Variants in HSPG2 observed in about 807,000 individuals in gnomAD.
The protein encoded by HSPG2 is heparan sulfate proteoglycan 2, also known as basement membrane-specific heparan sulfate proteoglycan core protein.
A neutral mutation model predicts 526.6 loss-of-function variants in HSPG2; 278 were observed. The ratio of observed to expected loss-of-function variants is 0.53; its 90% confidence interval spans 0.48 to 0.58. HSPG2 has a LOEUF of 0.58. Ranked by LOEUF, HSPG2 falls within the 20% of genes least tolerant of loss-of-function variation. HSPG2 has a pLI of 0.00. For missense variants in HSPG2, 5,354 were observed against 6,099.5 expected, an observed-to-expected ratio of 0.88 and a Z score of 4.07; for synonymous variants, 2,465 against 2,555.4, an observed-to-expected ratio of 0.96 and a Z score of 1.07.
chr1:21,927,397 T>G (rs1644228283), intron 1 of HSPG2, among the ~76,000 whole-genome samples: 1 of 152,000 alleles, frequency 6.6e-6, no homozygotes, highest in African/African-American at 2.4e-5. Context: ...GAGCCAGATT[T>G]AGAGTCGAGC....
At position 21,848,241 on chromosome 1, in the gene HSPG2, G is replaced by A; in HGVS notation, c.7738-148C>T. ...CGTGAAGCTCCCAGCATGGCATGTG[G>A]CCTGTCTCTGGGCTGGGGTGGACGT... is the stretch of plus-strand genomic sequence containing the variant. On this transcript the variant is annotated intron_variant, in intron 59 of 96. Transcript: ENST00000374695. The surrounding 1 kb of genome is among the most constrained non-coding windows in gnomAD (Gnocchi z 4.9). The A allele has an allele frequency of 2.0e-6, 2 of 976,862 alleles. No individual in the cohort carries two copies. Among genetic ancestry groups the A allele is most frequent in the Admixed American group, 4.0e-5 (2 of 49,648 alleles). 60.5% of individuals were successfully genotyped at this position (976,862 alleles called of 1,614,324 possible).
In HSPG2 at chr1:21,876,413, G is replaced by A. The variant is rs746498915; in HGVS notation, c.2827-8C>T. The A allele has an allele frequency of 3.1e-6, 5 of 1,610,342 alleles. No homozygotes were observed. The East Asian group carries it at 6.7e-5, about 22-fold the overall frequency. ...CTCAGAGGCCCCATGCAACTGGGAG[G>A]AGGAGAAAGGGCTGGGATGGGGGCC... is the stretch of plus-strand genomic sequence containing the variant. On this transcript the variant is annotated splice_polypyrimidine_tract_variant and splice_region_variant and intron_variant, in intron 22 of 96. Coordinates refer to ENST00000374695, the MANE Select transcript of HSPG2 (RefSeq NM_005529.7).
At position 21,903,255 on chromosome 1, in the gene HSPG2, C is replaced by A. The variant is rs1271613964; in HGVS notation, c.64-6945G>T. On this transcript the variant is annotated intron_variant, in intron 1 of 96. Coordinates refer to ENST00000374695, the MANE Select transcript of HSPG2 (RefSeq NM_005529.7). Reference sequence around the variant, plus strand: ...GGGCCCTGAAATCCGTTCCAAGACACCCCTGTCCCTGCAGAACAATCCCTC... The same window carrying A: ...GGGCCCTGAAATCCGTTCCAAGACAACCCTGTCCCTGCAGAACAATCCCTC... Among the ~76,000 whole-genome samples the A allele has an allele frequency of 2.6e-5, 4 of 152,138 alleles. No individual in the cohort carries two copies. The South Asian group carries it at 6.2e-4, about 24-fold the overall frequency.
chr1:21,828,469 G>A lies in HSPG2; in HGVS notation c.12238-43C>T. On this transcript the variant is annotated intron_variant, in intron 88 of 96. Coordinates refer to ENST00000374695, the MANE Select transcript of HSPG2 (RefSeq NM_005529.7). The surrounding 1 kb of genome is among the most constrained non-coding windows in gnomAD (Gnocchi z 6.0). ...CCGAGGGACTAAAGGGGCCTGGGAG[G>A]CAGAGACCCAGGTGTACCAGCAGGG... 2 of 1,597,070 alleles carry A rather than the reference G, an allele frequency of 1.3e-6. No homozygotes were observed. The highest frequency in any genetic ancestry group is 1.7e-6 in the Non-Finnish European group (2 of 1,169,442).
At chr1:21,912,960 A>G (rs1643750201) in intron 1 of HSPG2, among the ~76,000 whole-genome samples, 1 of 151,958 alleles carries the variant, frequency 6.6e-6, no homozygotes, top group African/African-American at 2.4e-5. Flanking sequence ...AGCCTGGGCG[A>G]AAGAGTGAGG....
chr1:21,834,984 A>G (rs761608418), intron 76 of HSPG2, 39 bp from the exon 77 acceptor site: 2 of 1,605,738 alleles, frequency 1.2e-6, no homozygotes, highest in South Asian at 2.2e-5. Context: ...GAGATCAGTC[A>G]CTGCAGGCCT....
Position 21,824,836 on chromosome 1 carries a change from G to A in HSPG2, c.12590-57C>T, listed in dbSNP as rs557810601. 82 of 1,492,516 alleles carry A rather than the reference G, an allele frequency of 5.5e-5. 1 individual carries two copies. The highest frequency in any genetic ancestry group is 4.5e-4 in the South Asian group (38 of 83,978). The allele number at this position is 1,492,516 out of a possible 1,614,324, so 92.5% of individuals were successfully genotyped here. Reference sequence around the variant, plus strand: ...GCTGCATCAGGCATCAAAATCCCCCGTCAGTTCCCCTGACCCCCACCTCCA... The same window carrying A: ...GCTGCATCAGGCATCAAAATCCCCCATCAGTTCCCCTGACCCCCACCTCCA... On this transcript the variant is annotated intron_variant, in intron 91 of 96. Coordinates refer to ENST00000374695, the MANE Select transcript of HSPG2 (RefSeq NM_005529.7). This position sits in a 1 kb window ranked among gnomAD's most constrained non-coding sequence, Gnocchi z 5.9.
intron 1 of HSPG2, among the ~76,000 whole-genome samples, chr1:21,922,461 C>T (rs1229592618): frequency 2.6e-5 from 4 of 152,214 alleles, no homozygotes; most frequent in Non-Finnish European, 5.9e-5. Context: ...CTTTCTAAAA[C>T]CAAGTGTCCT....
intron 33 of HSPG2, chr1:21,869,069 C>T (rs548277681): frequency 2.1e-5 from 5 of 240,762 alleles, no homozygotes; most frequent in Non-Finnish European, 3.4e-5. Flanking sequence ...GGAGGGAGGC[C>T]TGGTGGCAGG....
intron 6 of HSPG2, among the ~76,000 whole-genome samples, chr1:21,889,387 G>A (rs1017598024): frequency 7.9e-5 from 12 of 152,306 alleles, no homozygotes; most frequent in Admixed American, 2.0e-4. Context: ...GCACCTAACC[G>A]CTGTGTGGCT....
chr1:21,832,509 T>TC lies in HSPG2; in HGVS notation c.11192dup (p.Arg3732LysfsTer44). The TC allele has an allele frequency of 6.2e-7, 1 of 1,613,716 alleles. No individual in the cohort carries two copies. The highest frequency in any genetic ancestry group is 1.3e-5 in the African/African-American group (1 of 75,004). On this transcript the variant is annotated frameshift_variant, in exon 81 of 97. Transcript: ENST00000374695. LOFTEE classifies it high-confidence loss of function. ...GGGGGTCTCACCGGAACTCGGGCCT[T>TC]CCCCCCACGAGGCCGAAGGAGATGA...
intron 33 of HSPG2, among the ~76,000 whole-genome samples, chr1:21,871,308 G>A (rs1358270138): frequency 7.2e-6 from 1 of 139,122 alleles, no homozygotes; most frequent in Non-Finnish European, 1.5e-5. Context: ...CACCCAGGCT[G>A]GAGTGCAATG....
At chr1:21,843,707 T>C (rs1572197538) in intron 65 of HSPG2, among the ~76,000 whole-genome samples, 2 of 152,162 alleles carry the variant, frequency 1.3e-5, no homozygotes, top group East Asian at 1.9e-4. Context: ...AGTGCAGTGG[T>C]GCAATCTCGG....
intron 91 of HSPG2, among the ~76,000 whole-genome samples, chr1:21,825,465 T>G (rs1403013675): frequency 6.6e-6 from 1 of 152,142 alleles, no homozygotes; most frequent in African/African-American, 2.4e-5. Flanking sequence ...TGGTGTTCTC[T>G]CCATCTTACA....
chr1:21,865,665 C>A lies in HSPG2; in HGVS notation c.4314+52G>T. 1 of 1,442,128 alleles carries A rather than the reference C, an allele frequency of 6.9e-7. No individual in the cohort carries two copies. Among genetic ancestry groups the A allele is most frequent in the Non-Finnish European group, 9.8e-7 (1 of 1,023,886 alleles). The allele number at this position is 1,442,128 out of a possible 1,614,324, so 89.3% of individuals were successfully genotyped here. On this transcript the variant is annotated intron_variant, in intron 34 of 96. Transcript: ENST00000374695. The surrounding 1 kb of genome is among the most constrained non-coding windows in gnomAD (Gnocchi z 5.4). Reference sequence around the variant, plus strand: ...CAAAGGACAAATGCCGAGGGTGCCCCTGGCTTCCATCCTGCCCTTCTGCCC... The same window carrying A: ...CAAAGGACAAATGCCGAGGGTGCCCATGGCTTCCATCCTGCCCTTCTGCCC...
chr1:21,900,241 C>G lies in HSPG2; in HGVS notation c.64-3931G>C, dbSNP rs79503680. 8.0e-3 allele frequency among the ~76,000 whole-genome samples: 1,212 copies of G among 152,312 alleles called. 15 individuals are homozygous for G. The highest frequency in any genetic ancestry group is 0.027 in the African/African-American group (1,112 of 41,568). On this transcript the variant is annotated intron_variant, in intron 1 of 96. Transcript: ENST00000374695. The stretch of plus-strand genomic sequence containing the variant: ...AGAGAGGGGGATTTTCCAGACCCTG[C>G]AGTTCCTGGTTTGGCGGTGTGCAGG...
At position 21,839,694 on chromosome 1, in the gene HSPG2, C is replaced by T. The variant is rs2098040993; in HGVS notation, c.9709+128G>A. ...GTTCCTCGGCCATCACTGGGGGATG[C>T]TAGCAACACGGTCTCCCCGTACTCC... On this transcript the variant is annotated intron_variant, in intron 72 of 96. Transcript: ENST00000374695. This position sits in a 1 kb window ranked among gnomAD's most constrained non-coding sequence, Gnocchi z 4.5. The T allele has an allele frequency of 7.3e-7, 1 of 1,374,572 alleles. No individual in the cohort carries two copies. The highest frequency in any genetic ancestry group is 2.5e-5 in the East Asian group (1 of 40,636). 85.1% of individuals were successfully genotyped at this position (1,374,572 alleles called of 1,614,324 possible). A position where few individuals can be genotyped will look rare whatever the true frequency, so the allele number is the denominator to read the frequency against.
intron 1 of HSPG2, among the ~76,000 whole-genome samples, chr1:21,912,199 G>A (rs1400821616): frequency 1.3e-5 from 2 of 152,252 alleles, no homozygotes; most frequent in South Asian, 2.1e-4. Context: ...GTGTGGCCCT[G>A]GGCAAATCAC....
chr1:21,927,531 C>T (rs1414416781), intron 1 of HSPG2, among the ~76,000 whole-genome samples: 3 of 20,408 alleles, frequency 1.5e-4, no homozygotes, highest in East Asian at 4.1e-3. Flanking sequence ...AGGACATCCC[C>T]CACCCCCCCC....
Sources: gnomAD v4.1 joint callset for allele counts (sites outside exome capture counted in the v4.1 genomes callset) on GRCh38, gnomAD v4.1.1 for gene constraint, Gnocchi (gnomAD v3.1) non-coding constraint, MANE v1.5 for transcripts, NCBI Gene and HGNC (gene_info 2026-07-23, HGNC 2026-07-21) for gene names.